The following HCN1 variants were observed in gnomAD, a reference collection of about 807,000 sequenced individuals.
HCN1 encodes potassium/sodium hyperpolarization-activated cyclic nucleotide-gated channel 1.
Under a neutral mutation model 78.9 loss-of-function variants are expected in HCN1, and 13 were observed. The ratio of observed to expected loss-of-function variants is 0.16; its 90% CI spans 0.11 to 0.26. HCN1 has a LOEUF of 0.26. Among genes scored for constraint, HCN1 ranks in the 10% least tolerant of loss-of-function variants. The pLI is 1.00. For synonymous variants in HCN1, 552 were observed against 455.5 expected (o/e 1.21, Z -2.70); for missense variants, 810 against 1,154.3 (o/e 0.70, Z 4.32).
intron 2 of HCN1, among the ~76,000 whole-genome samples, chr5:45,531,124 C>G (rs116586924): frequency 6.0e-4 from 91 of 152,076 alleles, no homozygotes; most frequent in African/African-American, 2.0e-3. Context: ...GTCATGCTTA[C>G]AATTGTATCA....
chr5:45,665,843 A>C (rs1038546491), intron 1 of HCN1, among the ~76,000 whole-genome samples: 2 of 152,042 alleles, frequency 1.3e-5, no homozygotes, highest in African/African-American at 2.4e-5. Context: ...TAAATGTCTT[A>C]ATTTACATTT....
intron 2 of HCN1, among the ~76,000 whole-genome samples, chr5:45,504,525 G>C (rs771759476): frequency 6.6e-6 from 1 of 152,122 alleles, no homozygotes; most frequent in Non-Finnish European, 1.5e-5. Flanking sequence ...TTGGTGCCAA[G>C]TCTTTGCTAC....
intron 2 of HCN1, among the ~76,000 whole-genome samples, chr5:45,635,002 T>C (rs919721444): frequency 1.3e-5 from 2 of 152,130 alleles, no homozygotes; most frequent in Admixed American, 1.3e-4. Flanking sequence ...TAGGTAGTTA[T>C]AGTTCCTGGA....
At chr5:45,678,147 A>C (rs893923974) in intron 1 of HCN1, among the ~76,000 whole-genome samples, 13 of 151,958 alleles carry the variant, frequency 8.6e-5, no homozygotes, top group Admixed American at 6.6e-4. Context: ...CTACAGTCCA[A>C]ATAAGTGATG....
intron 3 of HCN1, among the ~76,000 whole-genome samples, chr5:45,426,502 G>T (rs1282037397): frequency 6.6e-6 from 1 of 152,190 alleles, no homozygotes; most frequent in Non-Finnish European, 1.5e-5. Context: ...TAAGTCTCAT[G>T]AGATCTGATG....
At chr5:45,454,999 G>T (rs933838588) in intron 3 of HCN1, among the ~76,000 whole-genome samples, 8 of 151,976 alleles carry the variant, frequency 5.3e-5, no homozygotes, top group African/African-American at 2.4e-5. Context: ...TCTATTGAAG[G>T]TTCCTGATCT....
intron 6 of HCN1, among the ~76,000 whole-genome samples, chr5:45,267,880 A>C (rs1240795113): frequency 1.3e-5 from 2 of 152,210 alleles, no homozygotes; most frequent in East Asian, 1.9e-4. Context: ...ATAAGAAATA[A>C]AGAAAAAAAA....
chr5:45,265,354 T>G (rs1744835945), intron 7 of HCN1, among the ~76,000 whole-genome samples: 1 of 152,204 alleles, frequency 6.6e-6, no homozygotes, highest in South Asian at 2.1e-4. Context: ...GTCTCTAACA[T>G]AAACACTCAC....
Position 45,517,520 on chromosome 5 carries a change from T to TAAAAA in HCN1, c.850-55518_850-55514dup, listed in dbSNP as rs773490588. 1.3e-3 allele frequency among the ~76,000 whole-genome samples: 121 copies of TAAAAA among 94,376 alleles called. 6 individuals are homozygous for TAAAAA. Among genetic ancestry groups the TAAAAA allele is most frequent in the African/African-American group, 3.9e-3 (93 of 24,064 alleles). 61.9% of individuals were successfully genotyped at this position (94,376 alleles called of 152,430 possible). A position where few individuals can be genotyped will look rare whatever the true frequency, so the allele number is the denominator to read the frequency against. On this transcript the variant is annotated intron_variant, in intron 2 of 7. Transcript: ENST00000303230. Reference sequence around the variant, plus strand: ...AGAGATTGTATTCCCAATTTCCCCTTAAAAAAAAAAAAAAAAAAAAAAAAC... The same window carrying TAAAAA: ...AGAGATTGTATTCCCAATTTCCCCTTAAAAAAAAAAAAAAAAAAAAAAAAAAAAAC...
At chr5:45,324,131 G>A (rs183231582) in intron 5 of HCN1, among the ~76,000 whole-genome samples, 3 of 151,764 alleles carry the variant, frequency 2.0e-5, no homozygotes, top group East Asian at 2.0e-4. Flanking sequence ...CTGAGGAATC[G>A]CCACACCAAC....
chr5:45,369,796 A>G (rs1306195908), intron 4 of HCN1, among the ~76,000 whole-genome samples: 1 of 152,096 alleles, frequency 6.6e-6, no homozygotes, highest in Non-Finnish European at 1.5e-5. Flanking sequence ...TATTGACTTA[A>G]TTGATTATTC....
intron 2 of HCN1, among the ~76,000 whole-genome samples, chr5:45,586,183 C>T (rs1027656265): frequency 2.6e-5 from 4 of 152,200 alleles, no homozygotes; most frequent in African/African-American, 4.8e-5. Flanking sequence ...CCAGTTCGAG[C>T]TTCCTGGCCA....
At chr5:45,570,382 T>A (rs1242903752) in intron 2 of HCN1, among the ~76,000 whole-genome samples, 1 of 152,132 alleles carries the variant, frequency 6.6e-6, no homozygotes, top group African/African-American at 2.4e-5. Context: ...TTTCACCTTA[T>A]CATCTCCATG....
At chr5:45,418,993 A>T (rs1355462685) in intron 3 of HCN1, among the ~76,000 whole-genome samples, 1 of 152,126 alleles carries the variant, frequency 6.6e-6, no homozygotes, top group Non-Finnish European at 1.5e-5. Flanking sequence ...TTTCAATTCC[A>T]CTTGCATTTG....
At chr5:45,604,100 T>C (rs1744678283) in intron 2 of HCN1, among the ~76,000 whole-genome samples, 1 of 152,074 alleles carries the variant, frequency 6.6e-6, no homozygotes, top group Non-Finnish European at 1.5e-5. Flanking sequence ...GTGGAAGTGA[T>C]TTTTGAAATA....
intron 2 of HCN1, chr5:45,643,151 T>G (rs1449797234): frequency 2.0e-4 from 31 of 152,094 alleles, no homozygotes; most frequent in Admixed American, 2.0e-3. Flanking sequence ...CACATCATGT[T>G]ACACAGATCT....
At chr5:45,401,863 A>T (rs572012322) in intron 3 of HCN1, among the ~76,000 whole-genome samples, 1 of 152,102 alleles carries the variant, frequency 6.6e-6, no homozygotes, top group South Asian at 2.1e-4. Context: ...AGCCACTTTT[A>T]TACTGAGTTT....
intron 5 of HCN1, among the ~76,000 whole-genome samples, chr5:45,314,095 G>A (rs1250232514): frequency 6.6e-6 from 1 of 152,154 alleles, no homozygotes; most frequent in Non-Finnish European, 1.5e-5. Flanking sequence ...GGAAAAAAAT[G>A]GTAAGGGCAG....
intron 6 of HCN1, among the ~76,000 whole-genome samples, chr5:45,278,462 C>T (rs538275682): frequency 2.0e-5 from 3 of 152,152 alleles, no homozygotes; most frequent in Non-Finnish European, 4.4e-5. Context: ...AACATTCACA[C>T]TTACAAATCA....
Sources: gnomAD v4.1 joint callset for allele counts (sites outside exome capture counted in the v4.1 genomes callset) on GRCh38, gnomAD v4.1.1 for gene constraint, MANE v1.5 for transcripts, NCBI Gene and HGNC (gene_info 2026-07-23, HGNC 2026-07-21) for gene names.